NKAIN2: variants seen among roughly 807,000 people sequenced by gnomAD.
The protein encoded by NKAIN2 is sodium/potassium-transporting ATPase subunit beta-1-interacting protein 2.
In NKAIN2, 14 loss-of-function variants were observed where a neutral mutation model predicts 32.6. The ratio of observed to expected loss-of-function variants is 0.43; its 90% CI spans 0.28 to 0.67. The LOEUF is 0.67. Among genes scored for constraint, NKAIN2 ranks in the 30% least tolerant of loss-of-function variants. The pLI is 0.17. For missense variants in NKAIN2, 198 were observed against 258.3 expected (o/e 0.77, Z 1.60); for synonymous variants, 80 against 87.2 (o/e 0.92, Z 0.46).
chr6:124,136,373 G>T (rs772248903), intron 1 of NKAIN2, among the ~76,000 whole-genome samples: 17 of 151,846 alleles, frequency 1.1e-4, no homozygotes, highest in Non-Finnish European at 2.1e-4. Context: ...TGATTAAAAA[G>T]TTGCCAACAA....
At chr6:123,919,465 CT>C (rs1294199770) in intron 1 of NKAIN2, among the ~76,000 whole-genome samples, 1 of 152,000 alleles carries the variant, frequency 6.6e-6, no homozygotes, top group Admixed American at 6.6e-5. Context: ...TGCAATGTAT[CT>C]TTTGAAGTGA....
At chr6:124,674,292 G>A (rs978196333) in intron 4 of NKAIN2, among the ~76,000 whole-genome samples, 1 of 151,914 alleles carries the variant, frequency 6.6e-6, no homozygotes, top group East Asian at 1.9e-4. Flanking sequence ...AAGTCAGGAC[G>A]TGTGAGGCTT....
intron 1 of NKAIN2, among the ~76,000 whole-genome samples, chr6:124,193,085 T>C (rs1562413812): frequency 6.6e-6 from 1 of 152,160 alleles, no homozygotes. Flanking sequence ...TTTGAAGCTC[T>C]GTTATTGGGT....
chr6:124,370,449 G>GT (rs2114322102), intron 3 of NKAIN2, among the ~76,000 whole-genome samples: 1 of 152,148 alleles, frequency 6.6e-6, no homozygotes, highest in African/African-American at 2.4e-5. Flanking sequence ...AATATAATTA[G>GT]TTTTTCTCTT....
At chr6:123,991,789 G>A (rs1330010655) in intron 1 of NKAIN2, among the ~76,000 whole-genome samples, 1 of 152,082 alleles carries the variant, frequency 6.6e-6, no homozygotes, top group Non-Finnish European at 1.5e-5. Flanking sequence ...GTGAACCCAG[G>A]AGGCGGAGCT....
intron 1 of NKAIN2, among the ~76,000 whole-genome samples, chr6:123,909,222 A>G (rs1402471380): frequency 6.6e-6 from 1 of 152,102 alleles, no homozygotes; most frequent in East Asian, 1.9e-4. Context: ...AATAGCCTGC[A>G]TATATTAACA....
intron 1 of NKAIN2, among the ~76,000 whole-genome samples, chr6:124,023,317 T>C (rs1275435780): frequency 6.6e-6 from 1 of 151,990 alleles, no homozygotes; most frequent in Non-Finnish European, 1.5e-5. Context: ...GATTCCTTGA[T>C]TTCCTTCCTC....
At chr6:124,806,256 A>T (rs1375615359) in intron 5 of NKAIN2, among the ~76,000 whole-genome samples, 4 of 152,210 alleles carry the variant, frequency 2.6e-5, no homozygotes, top group Non-Finnish European at 4.4e-5. Context: ...CGGGTTACAC[A>T]CAAAGGGAAG....
At chr6:124,299,306 T>C (rs1467299346) in intron 2 of NKAIN2, among the ~76,000 whole-genome samples, 2 of 152,320 alleles carry the variant, frequency 1.3e-5, no homozygotes, top group Non-Finnish European at 2.9e-5. Flanking sequence ...TGGAAATCAC[T>C]TAGATTTATA....
intron 5 of NKAIN2, among the ~76,000 whole-genome samples, chr6:124,792,199 T>C (rs1410923414): frequency 1.3e-5 from 2 of 152,172 alleles, no homozygotes; most frequent in African/African-American, 4.8e-5. Context: ...TCATCTTTCT[T>C]GGTTTCAAAA....
intron 4 of NKAIN2, among the ~76,000 whole-genome samples, chr6:124,785,075 A>G (rs1779439408): frequency 6.6e-6 from 1 of 152,048 alleles, no homozygotes; most frequent in Admixed American, 6.6e-5. Flanking sequence ...GGGGGAAAAA[A>G]AAGTTAGGTC....
intron 2 of NKAIN2, among the ~76,000 whole-genome samples, chr6:124,322,599 T>C (rs1186964211): frequency 2.0e-5 from 3 of 152,228 alleles, no homozygotes; most frequent in Non-Finnish European, 2.9e-5. Context: ...TCTATAACTG[T>C]GTCATTTCTA....
chr6:124,537,805 G>A (rs892361480), intron 3 of NKAIN2, among the ~76,000 whole-genome samples: 7 of 152,120 alleles, frequency 4.6e-5, no homozygotes, highest in African/African-American at 1.2e-4. Flanking sequence ...TTCATATGTA[G>A]TATGTGCTTT....
At chr6:124,543,846 C>A (rs190249828) in intron 3 of NKAIN2, among the ~76,000 whole-genome samples, 1 of 152,210 alleles carries the variant, frequency 6.6e-6, no homozygotes, top group Admixed American at 6.5e-5. Context: ...AGATCACTGG[C>A]CACAATGGGC....
intron 3 of NKAIN2, among the ~76,000 whole-genome samples, chr6:124,518,175 C>T (rs1157870459): frequency 1.3e-5 from 2 of 151,218 alleles, no homozygotes; most frequent in African/African-American, 4.9e-5. Flanking sequence ...TCTGTAAAAG[C>T]ATGCGAAAAT....
intron 4 of NKAIN2, among the ~76,000 whole-genome samples, chr6:124,720,975 C>A (rs1775987780): frequency 6.6e-6 from 1 of 152,154 alleles, no homozygotes; most frequent in Admixed American, 6.6e-5. Flanking sequence ...AATGTGATAA[C>A]CCATTTCATA....
intron 3 of NKAIN2, among the ~76,000 whole-genome samples, chr6:124,593,063 G>A (rs1479053): frequency 0.043 from 6,571 of 151,998 alleles, 212 homozygotes; most frequent in East Asian, 0.17. Context: ...TTGAAACTTC[G>A]GTTTCAATTG....
intron 1 of NKAIN2, among the ~76,000 whole-genome samples, chr6:124,190,053 A>G (rs1374623081): frequency 3.3e-5 from 5 of 152,218 alleles, no homozygotes; most frequent in African/African-American, 1.2e-4. Context: ...AACTACCTGC[A>G]CATGGCCACA....
At chr6:124,006,089 A>G (rs894982889) in intron 1 of NKAIN2, among the ~76,000 whole-genome samples, 3 of 152,212 alleles carry the variant, frequency 2.0e-5, no homozygotes, top group African/African-American at 4.8e-5. Context: ...ACTTATGTCT[A>G]TATACCATAA....
Sources: gnomAD v4.1 joint callset for allele counts (sites outside exome capture counted in the v4.1 genomes callset) on GRCh38, gnomAD v4.1.1 for gene constraint, MANE v1.5 for transcripts, NCBI Gene and HGNC (gene_info 2026-07-23, HGNC 2026-07-21) for gene names.